The following SOX6 variants were observed in gnomAD, a reference collection of about 807,000 sequenced individuals.
SOX6 encodes transcription factor SOX-6.
SOX6 carries 11 observed loss-of-function variants against 97.8 expected under a neutral mutation model. That is an observed-to-expected ratio of 0.11 (90% CI 0.07 to 0.19). The LOEUF (loss-of-function observed/expected upper bound fraction) is 0.19, where lower values mean the gene tolerates loss of function less well. Ranked by LOEUF, SOX6 falls within the 10% of genes least tolerant of loss-of-function variation. The pLI, the probability that SOX6 is intolerant of heterozygous loss-of-function variation, is 1.00. For synonymous variants in SOX6, 360 were observed against 371.4 expected, an observed-to-expected ratio of 0.97 and a Z score of 0.35; for missense variants, 810 against 1,039.5, an observed-to-expected ratio of 0.78 and a Z score of 3.04.
intron 1 of SOX6, among the ~76,000 whole-genome samples, chr11:16,392,605 A>G (rs1455877123): frequency 2.0e-5 from 3 of 152,074 alleles, no homozygotes; most frequent in African/African-American, 7.2e-5. Context: ...TATTTTCCAG[A>G]TCTGGACCCT....
At chr11:16,428,047 T>C (rs907475451) in intron 1 of SOX6, among the ~76,000 whole-genome samples, 3 of 152,252 alleles carry the variant, frequency 2.0e-5, no homozygotes, top group Non-Finnish European at 4.4e-5. Context: ...TGGTATCTCA[T>C]TGTGGTTTTG....
At chr11:16,430,646 G>C (rs1859255477) in intron 1 of SOX6, among the ~76,000 whole-genome samples, 1 of 152,144 alleles carries the variant, frequency 6.6e-6, no homozygotes, top group South Asian at 2.1e-4. Context: ...CCAGACAACA[G>C]ATCAGCCAGT....
chr11:16,077,810 G>A (rs1380159496), intron 9 of SOX6, among the ~76,000 whole-genome samples: 1 of 152,128 alleles, frequency 6.6e-6, no homozygotes, highest in Non-Finnish European at 1.5e-5. Context: ...CTACTTGAAG[G>A]CAGAGAGTAA....
chr11:16,413,763 C>T (rs1052752009), intron 1 of SOX6, among the ~76,000 whole-genome samples: 15 of 151,546 alleles, frequency 9.9e-5, no homozygotes, highest in South Asian at 2.1e-4. Context: ...TCAGGTGATC[C>T]GCCCACCTCA....
chr11:16,251,709 A>G (rs1006473879), intron 3 of SOX6, among the ~76,000 whole-genome samples: 1 of 152,116 alleles, frequency 6.6e-6, no homozygotes, highest in Non-Finnish European at 1.5e-5. Context: ...ACACTATCCA[A>G]CTCATGTTAG....
chr11:16,568,170 C>G (rs1328080166), intron 4 of SOX6, among the ~76,000 whole-genome samples: 4 of 151,750 alleles, frequency 2.6e-5, no homozygotes, highest in Non-Finnish European at 4.4e-5. Context: ...GTCCCATCCC[C>G]AAGATATCTC....
chr11:16,183,969 G>A lies in SOX6; in HGVS notation c.709-15C>T. 2 of 1,609,792 alleles carry A rather than the reference G, an allele frequency of 1.2e-6. No individual in the cohort carries two copies. The highest frequency in any genetic ancestry group is 1.7e-6 in the Non-Finnish European group (2 of 1,176,806). On this transcript the variant is annotated splice_polypyrimidine_tract_variant and intron_variant, in intron 5 of 15. Transcript: ENST00000683767. The stretch of plus-strand genomic sequence containing the variant: ...TGTCTCGCAATCTATCAGAAATAAA[G>A]TTTCATTAAGTTAAAATGAAATGCT...
In SOX6 at chr11:16,118,849, G is replaced by T. The variant is rs577856948; in HGVS notation, c.778-6926C>A. The stretch of plus-strand genomic sequence containing the variant: ...GAGTTAAAGACAGTGCAAAAATGAG[G>T]GTTTTTAAATACTTTATCTCTAGAA... On this transcript the variant is annotated intron_variant, in intron 6 of 15. Transcript: ENST00000683767. 4.6e-5 allele frequency among the ~76,000 whole-genome samples: 7 copies of T among 152,174 alleles called. No homozygotes were observed. In the South Asian group the frequency reaches 1.5e-3, roughly 32 times the overall value.
intron 6 of SOX6, among the ~76,000 whole-genome samples, chr11:16,164,114 G>A (rs1265541533): frequency 6.6e-6 from 1 of 152,046 alleles, no homozygotes; most frequent in Non-Finnish European, 1.5e-5. Flanking sequence ...CTACCCAGTA[G>A]CACCACCATG....
intron 1 of SOX6, among the ~76,000 whole-genome samples, chr11:16,344,287 T>C (rs1856717832): frequency 6.6e-6 from 1 of 151,908 alleles, no homozygotes; most frequent in African/African-American, 2.4e-5. Context: ...TTGAGTTTTG[T>C]TATAAAATGT....
intron 4 of SOX6, among the ~76,000 whole-genome samples, chr11:16,552,891 C>A (rs533146319): frequency 6.6e-6 from 1 of 152,044 alleles, no homozygotes; most frequent in Non-Finnish European, 1.5e-5. Flanking sequence ...GTTGGAGAAC[C>A]AGGAAAATTA....
intron 6 of SOX6, among the ~76,000 whole-genome samples, chr11:16,138,702 C>A (rs370540226): frequency 0.012 from 1,817 of 151,794 alleles, 34 homozygotes; most frequent in African/African-American, 0.042. Flanking sequence ...CCTCCCCCCT[C>A]CTCCCACCCC....
chr11:16,363,639 G>A (rs1484629495), intron 1 of SOX6, among the ~76,000 whole-genome samples: 1 of 151,842 alleles, frequency 6.6e-6, no homozygotes, highest in Non-Finnish European at 1.5e-5. Context: ...ATAAAAACAG[G>A]TTAAAACTTT....
intron 3 of SOX6, among the ~76,000 whole-genome samples, chr11:16,643,665 G>A (rs1251825632): frequency 6.6e-6 from 1 of 152,202 alleles, no homozygotes; most frequent in African/African-American, 2.4e-5. Flanking sequence ...ATCTCAGACT[G>A]CTGTGCTAGC....
At chr11:16,344,839 T>C (rs886317191) in intron 1 of SOX6, among the ~76,000 whole-genome samples, 9 of 151,874 alleles carry the variant, frequency 5.9e-5, no homozygotes, top group Admixed American at 5.9e-4. Context: ...AAAAAAAATC[T>C]CCCTAGTTAT....
chr11:16,166,332 T>C (rs1247303802), intron 6 of SOX6, among the ~76,000 whole-genome samples: 1 of 152,232 alleles, frequency 6.6e-6, no homozygotes, highest in African/African-American at 2.4e-5. Flanking sequence ...GTTTAATTCA[T>C]AGCACTATTA....
At chr11:16,093,031 T>C (rs1848724484) in intron 9 of SOX6, among the ~76,000 whole-genome samples, 1 of 151,890 alleles carries the variant, frequency 6.6e-6, no homozygotes, top group Non-Finnish European at 1.5e-5. Flanking sequence ...AGAAAGCAAA[T>C]GGCAACTGGT....
chr11:16,398,399 TATTCCTGG>T (rs1037024210), intron 1 of SOX6, among the ~76,000 whole-genome samples: 1 of 151,442 alleles, frequency 6.6e-6, no homozygotes, highest in African/African-American at 2.4e-5. Flanking sequence ...ATACATTTCA[TATTCCTGG>T]ATGTGAATAA....
At chr11:16,273,769 T>G (rs1161311600) in intron 3 of SOX6, among the ~76,000 whole-genome samples, 1 of 151,982 alleles carries the variant, frequency 6.6e-6, no homozygotes, top group Non-Finnish European at 1.5e-5. Context: ...AATACTACAC[T>G]CCTAAGCCCT....
Sources: gnomAD v4.1 joint callset for allele counts (sites outside exome capture counted in the v4.1 genomes callset) on GRCh38, gnomAD v4.1.1 for gene constraint, MANE v1.5 for transcripts, NCBI Gene and HGNC (gene_info 2026-07-23, HGNC 2026-07-21) for gene names.